The following ASAP2 variants were observed in gnomAD, a reference collection of about 807,000 sequenced individuals.
The protein encoded by ASAP2 is arf-GAP with SH3 domain, ANK repeat and PH domain-containing protein 2.
A neutral mutation model predicts 131.4 loss-of-function variants in ASAP2; 45 were observed. The observed-to-expected ratio is 0.34, with a 90% CI of 0.27 to 0.44. The LOEUF is 0.44. ASAP2 is among the 20% of genes least tolerant of loss of function. The pLI is 1.00. For synonymous variants in ASAP2, 510 were observed against 503.0 expected (o/e 1.01, Z -0.19); for missense variants, 1,011 against 1,297.0 (o/e 0.78, Z 3.39).
intron 9 of ASAP2, among the ~76,000 whole-genome samples, chr2:9,337,515 T>C (rs1399514816): frequency 6.6e-6 from 1 of 152,188 alleles, no homozygotes; most frequent in East Asian, 1.9e-4. Context: ...AGGATTTTTA[T>C]TCAGTGTTAT....
At chr2:9,294,602 T>C (rs890131341) in intron 2 of ASAP2, among the ~76,000 whole-genome samples, 2 of 152,222 alleles carry the variant, frequency 1.3e-5, no homozygotes, top group African/African-American at 2.4e-5. Flanking sequence ...CAACTCTTAG[T>C]GCTCAGGTTA....
At chr2:9,384,011 C>T (rs1675069751) in intron 20 of ASAP2, among the ~76,000 whole-genome samples, 1 of 151,110 alleles carries the variant, frequency 6.6e-6, no homozygotes, top group Admixed American at 6.6e-5. Context: ...CGGGGCCTGT[C>T]ATGGGGTGGG....
Position 9,403,419 on chromosome 2 carries a change from G to A in ASAP2, c.*92G>A. On this transcript the variant is annotated 3_prime_UTR_variant, in exon 28 of 28. Coordinates refer to ENST00000281419, the MANE Select transcript of ASAP2 (RefSeq NM_003887.3). ...AGATAACCAGTTTCATGAACTGTTT[G>A]TATGGCAGCCCATGTTCTCTAATGC... 8.0e-7 allele frequency: 1 copy of A among 1,244,824 alleles called. No individual in the cohort carries two copies. The highest frequency in any genetic ancestry group is 1.3e-5 in the South Asian group (1 of 76,578). The allele number at this position is 1,244,824 out of a possible 1,614,324, so 77.1% of individuals were successfully genotyped here. A position where few individuals can be genotyped will look rare whatever the true frequency, so the allele number is the denominator to read the frequency against.
chr2:9,368,604 T>C, intron 16 of ASAP2, 85 bp downstream of exon 16: 1 of 1,144,372 alleles, frequency 8.7e-7, no homozygotes, highest in Non-Finnish European at 1.3e-6. Flanking sequence ...TAAGAAGTTT[T>C]GGGTGCATCC....
At chr2:9,379,081 G>C (rs745971215) in intron 19 of ASAP2, 22 bp downstream of exon 19, 1 of 1,489,698 alleles carries the variant, frequency 6.7e-7, no homozygotes, top group South Asian at 1.4e-5. Flanking sequence ...CGGGCCCCGG[G>C]GGTGGGCTCA....
intron 7 of ASAP2, among the ~76,000 whole-genome samples, chr2:9,329,236 G>A (rs1201518438): frequency 1.3e-5 from 2 of 152,200 alleles, no homozygotes; most frequent in Non-Finnish European, 2.9e-5. Flanking sequence ...GCATGGAAAA[G>A]CCTTAGGGAT....
intron 1 of ASAP2, among the ~76,000 whole-genome samples, chr2:9,260,215 A>G (rs1236202230): frequency 2.0e-5 from 3 of 152,222 alleles, no homozygotes; most frequent in South Asian, 2.1e-4. Context: ...TGATCAAGTA[A>G]TTTGTGTGTG....
intron 11 of ASAP2, among the ~76,000 whole-genome samples, chr2:9,347,507 C>T (rs10929574): frequency 0.9 from 137,030 of 152,244 alleles, 63,116 homozygotes; most frequent in Non-Finnish European, 1. Flanking sequence ...AGCTGCGAAG[C>T]AGGTCTTTAA....
chr2:9,334,938 C>A, intron 8 of ASAP2, 125 bp downstream of exon 8: 1 of 1,336,342 alleles, frequency 7.5e-7, no homozygotes, highest in Non-Finnish European at 1.1e-6. Context: ...TGTGGCGTTC[C>A]CACGCCTGTC....
intron 18 of ASAP2, among the ~76,000 whole-genome samples, chr2:9,377,927 A>G (rs1380601787): frequency 6.6e-6 from 1 of 152,110 alleles, no homozygotes; most frequent in East Asian, 1.9e-4. Flanking sequence ...CCCGGCTCCT[A>G]GAACGCAGCA....
chr2:9,297,524 T>G (rs1668222454), intron 3 of ASAP2, 79 bp downstream of exon 3: 2 of 1,531,258 alleles, frequency 1.3e-6, no homozygotes, highest in African/African-American at 2.7e-5. Flanking sequence ...ATGGTTTGTT[T>G]GATAAACTAG....
chr2:9,368,617 C>T (rs1673670551), intron 16 of ASAP2, 98 bp downstream of exon 16: 4 of 970,840 alleles, frequency 4.1e-6, no homozygotes, highest in Admixed American at 2.0e-5. Flanking sequence ...GTGCATCCAT[C>T]GTTGCTTCTT....
At chr2:9,380,902 G>T (rs566337443) in intron 20 of ASAP2, 94 bp downstream of exon 20, 202 of 1,308,700 alleles carry the variant, frequency 1.5e-4, no homozygotes, top group Middle Eastern at 1.4e-3. Context: ...GTGAACCAGT[G>T]TCCTGAGCAG....
At chr2:9,271,627 A>AT in intron 1 of ASAP2, 2 of 1,009,460 alleles carry the variant, frequency 2.0e-6, no homozygotes, top group Non-Finnish European at 2.9e-6. Flanking sequence ...GATAGTGGAC[A>AT]TACGATCCAA....
intron 15 of ASAP2, among the ~76,000 whole-genome samples, chr2:9,361,697 A>G (rs1673090148): frequency 6.6e-6 from 1 of 151,912 alleles, no homozygotes; most frequent in Admixed American, 6.6e-5. Flanking sequence ...CCTCCTCAGT[A>G]GCTGAGACTA....
chr2:9,251,204 G>T (rs1157828544), intron 1 of ASAP2, among the ~76,000 whole-genome samples: 1 of 152,224 alleles, frequency 6.6e-6, no homozygotes, highest in African/African-American at 2.4e-5. Flanking sequence ...GTCACATCAG[G>T]AGTTTAGTCC....
chr2:9,358,980 G>T, intron 15 of ASAP2, 91 bp downstream of exon 15: 3 of 1,440,612 alleles, frequency 2.1e-6, no homozygotes, highest in South Asian at 2.8e-5. Context: ...TGGTAAGCTA[G>T]TGGTTGTTGA....
At chr2:9,350,195 T>C (rs1056559218) in intron 11 of ASAP2, among the ~76,000 whole-genome samples, 5 of 152,250 alleles carry the variant, frequency 3.3e-5, no homozygotes, top group Admixed American at 2.6e-4. Context: ...TCGCTTGGTG[T>C]CGTGTGTGGG....
intron 1 of ASAP2, among the ~76,000 whole-genome samples, chr2:9,265,794 C>T (rs375481405): frequency 3.3e-5 from 5 of 151,928 alleles, no homozygotes; most frequent in South Asian, 2.1e-4. Flanking sequence ...TTTTTTGAGA[C>T]GGAGTTTCAC....
Sources: allele counts gnomAD v4.1 joint callset (sites outside exome capture counted in the v4.1 genomes callset), GRCh38; gene constraint gnomAD v4.1.1; transcripts MANE v1.5; gene names NCBI Gene and HGNC (gene_info 2026-07-23, HGNC 2026-07-21).